DGKB: variants seen among roughly 807,000 people sequenced by gnomAD.
The protein encoded by DGKB is 90 kDa diacylglycerol kinase.
A neutral mutation model predicts 114.3 loss-of-function variants in DGKB; 67 were observed. That is an observed-to-expected ratio of 0.59 (90% CI 0.48 to 0.72). DGKB has a LOEUF of 0.72. Among genes scored for constraint, DGKB ranks in the 30% least tolerant of loss-of-function variants. The pLI is 0.00. For synonymous variants in DGKB, 398 were observed against 323.1 expected (o/e 1.23, Z -2.49); for missense variants, 907 against 975.2 (o/e 0.93, Z 0.93).
chr7:14,635,031 T>C (rs1810467769), intron 13 of DGKB, among the ~76,000 whole-genome samples: 1 of 151,608 alleles, frequency 6.6e-6, no homozygotes, highest in African/African-American at 2.4e-5. Context: ...ACAAAAATTC[T>C]GATATGTCTA....
chr7:14,507,805 G>C (rs911646902), intron 20 of DGKB, among the ~76,000 whole-genome samples: 1 of 152,056 alleles, frequency 6.6e-6, no homozygotes, highest in Admixed American at 6.5e-5. Flanking sequence ...TGGCAGGAGG[G>C]GAAAGAGCCA....
chr7:14,927,046 C>G lies in DGKB; in HGVS notation c.-188+47650G>C, dbSNP rs931390675. ...AGGAGCATGTTTATTTTTACAGATT[C>G]ACTGGAATGATGATGATGATGATTA... On this transcript the variant is annotated intron_variant, in intron 1 of 4. Coordinates refer to the DGKB transcript ENST00000437998. Among the ~76,000 whole-genome samples, 7 of 151,864 alleles carry G rather than the reference C, an allele frequency of 4.6e-5. No individual in the cohort carries two copies. The South Asian group carries it at 1.5e-3, about 32-fold the overall frequency.
intron 2 of DGKB, among the ~76,000 whole-genome samples, chr7:14,803,547 A>C (rs1240695471): frequency 2.0e-5 from 3 of 152,162 alleles, no homozygotes; most frequent in African/African-American, 7.2e-5. Context: ...GGTCGATTTT[A>C]AAGAATCAAA....
intron 4 of DGKB, among the ~76,000 whole-genome samples, chr7:14,746,394 C>G (rs1488481316): frequency 6.6e-6 from 1 of 152,126 alleles, no homozygotes; most frequent in African/African-American, 2.4e-5. Flanking sequence ...ATGTAAAGCA[C>G]TTAGCATACA....
At chr7:14,852,204 G>A (rs923638937) in intron 1 of DGKB, among the ~76,000 whole-genome samples, 5 of 151,956 alleles carry the variant, frequency 3.3e-5, no homozygotes, top group Admixed American at 3.3e-4. Flanking sequence ...AGAAGTATAT[G>A]TGTGTGTATG....
chr7:14,410,465 G>T (rs893542797), intron 21 of DGKB, among the ~76,000 whole-genome samples: 1 of 151,872 alleles, frequency 6.6e-6, no homozygotes, highest in Admixed American at 6.6e-5. Context: ...GATTTTATCT[G>T]CATTCACTTA....
In DGKB at chr7:14,896,216, T is replaced by C. The variant is rs140578866; in HGVS notation, c.-188+6376A>G. Among the ~76,000 whole-genome samples, 676 of 151,838 alleles carry C rather than the reference T, an allele frequency of 4.5e-3. 7 individuals are homozygous for C. Among genetic ancestry groups the C allele is most frequent in the Middle Eastern group, 0.024 (7 of 294 alleles). ...TATTAAAGGATGATAGCTATGACTATGTTTTCAGAAGATCAGAGGAGAAAG... is the reference window on the plus strand; with the variant it reads ...TATTAAAGGATGATAGCTATGACTACGTTTTCAGAAGATCAGAGGAGAAAG... On this transcript the variant is annotated intron_variant, in intron 1 of 25. Transcript: ENST00000402815.
At chr7:14,870,560 G>A (rs1338215705) in intron 1 of DGKB, among the ~76,000 whole-genome samples, 1 of 152,116 alleles carries the variant, frequency 6.6e-6, no homozygotes, top group Admixed American at 6.5e-5. Flanking sequence ...CACTTTAGGA[G>A]GCCGAGGAGG....
At chr7:14,320,606 T>C (rs945201580) in intron 23 of DGKB, among the ~76,000 whole-genome samples, 2 of 151,924 alleles carry the variant, frequency 1.3e-5, no homozygotes, top group Non-Finnish European at 1.5e-5. Flanking sequence ...ATAGTACATA[T>C]ATGTGGTACA....
Position 14,337,352 on chromosome 7 carries a change from A to G in DGKB, c.2122+1163T>C, listed in dbSNP as rs946454918. Among the ~76,000 whole-genome samples the G allele has an allele frequency of 9.2e-5, 14 of 151,984 alleles. 1 individual carries two copies. Among genetic ancestry groups the G allele is most frequent in the Admixed American group, 2.0e-4 (3 of 15,256 alleles). ...TTTTGAGTATGTAATTTTTTAATTG[A>G]TTTGTTATAAACATGCTTGTACTAA... On this transcript the variant is annotated intron_variant, in intron 23 of 25. Coordinates refer to ENST00000402815, the MANE Select transcript of DGKB (RefSeq NM_001350709.2).
chr7:14,513,984 A>T (rs551990635), intron 20 of DGKB, among the ~76,000 whole-genome samples: 1 of 152,126 alleles, frequency 6.6e-6, no homozygotes, highest in Admixed American at 6.5e-5. Context: ...AAGCAATCTG[A>T]TTCTTTTTTA....
rs745806322 is a variant in DGKB, at chr7:14,701,748, T to A, written c.467-18A>T. On this transcript the variant is annotated intron_variant, in intron 6 of 25. Transcript: ENST00000402815. The stretch of plus-strand genomic sequence containing the variant: ...AAACATAACTAGAATGAAAGAGGTG[T>A]TGAAAACAAGATTATAGGCAAATAA... 8 of 1,581,572 alleles carry A rather than the reference T, an allele frequency of 5.1e-6. No homozygotes were observed. In the African/African-American group the frequency reaches 1.1e-4, roughly 21 times the overall value.
intron 1 of DGKB, among the ~76,000 whole-genome samples, chr7:14,972,660 C>G (rs1004287278): frequency 2.4e-5 from 3 of 124,598 alleles, no homozygotes; most frequent in African/African-American, 1.1e-4. Flanking sequence ...GATGTCCTCT[C>G]AAAGATTGTT....
At chr7:14,836,878 G>A (rs1010785210) in intron 2 of DGKB, among the ~76,000 whole-genome samples, 4 of 152,118 alleles carry the variant, frequency 2.6e-5, no homozygotes, top group African/African-American at 7.2e-5. Flanking sequence ...CTAATCTAGT[G>A]GAAGAAAAAC....
chr7:14,259,917 C>CCAATATTAAATGG (rs1437640722), intron 23 of DGKB, among the ~76,000 whole-genome samples: 1 of 152,060 alleles, frequency 6.6e-6, no homozygotes, highest in Non-Finnish European at 1.5e-5. Flanking sequence ...TACCTCTGAT[C>CCAATATTAAATGG]CAATATTAAA....
At chr7:14,485,096 CCACA>C (rs10563734) in intron 20 of DGKB, among the ~76,000 whole-genome samples, 56,812 of 141,022 alleles carry the variant, frequency 0.4, 11,490 homozygotes, top group Middle Eastern at 0.53. Context: ...CACACACACA[CCACA>C]CACACACACA....
chr7:14,253,362 G>C (rs369099990), intron 23 of DGKB, among the ~76,000 whole-genome samples: 1 of 152,106 alleles, frequency 6.6e-6, no homozygotes, highest in South Asian at 2.1e-4. Flanking sequence ...GAGGGCAAGA[G>C]TGCTGCCAAC....
At chr7:14,580,642 T>C (rs1799784713) in intron 19 of DGKB, among the ~76,000 whole-genome samples, 1 of 152,176 alleles carries the variant, frequency 6.6e-6, no homozygotes, top group Admixed American at 6.5e-5. Context: ...TTAGTTTAAG[T>C]CTCTATTTAA....
chr7:14,514,022 T>C (rs58715315), intron 20 of DGKB, among the ~76,000 whole-genome samples: 1 of 152,108 alleles, frequency 6.6e-6, no homozygotes, highest in African/African-American at 2.4e-5. Context: ...TCAATGTAAA[T>C]TAAAATCTTA....
Sources: gnomAD v4.1 joint callset for allele counts (sites outside exome capture counted in the v4.1 genomes callset) on GRCh38, gnomAD v4.1.1 for gene constraint, MANE v1.5 for transcripts, NCBI Gene and HGNC (gene_info 2026-07-23, HGNC 2026-07-21) for gene names.